ELMOD1: variants seen among roughly 807,000 people sequenced by gnomAD.
The protein encoded by ELMOD1 is ELMO domain-containing protein 1.
A neutral mutation model predicts 46.7 loss-of-function variants in ELMOD1; 21 were observed. The observed-to-expected ratio is 0.45, with a 90% CI of 0.32 to 0.65. The LOEUF is 0.65. Ranked by LOEUF, ELMOD1 falls within the 30% of genes least tolerant of loss-of-function variation. ELMOD1 has a pLI of 0.04. For synonymous variants in ELMOD1, 122 were observed against 138.2 expected (o/e 0.88, Z 0.82); for missense variants, 348 against 407.8 (o/e 0.85, Z 1.26).
At chr11:107,592,716 A>G (rs553079017) in intron 1 of ELMOD1, 28 of 223,454 alleles carry the variant, frequency 1.3e-4, no homozygotes, top group Non-Finnish European at 1.9e-4. Flanking sequence ...TCTTCTCTGT[A>G]AGACATCACT....
At chr11:107,620,444 A>C (rs529171750) in intron 2 of ELMOD1, 1 of 152,250 alleles carries the variant, frequency 6.6e-6, no homozygotes, top group Non-Finnish European at 1.5e-5. Flanking sequence ...ATTACATGAA[A>C]TATAAGGAAT....
intron 7 of ELMOD1, among the ~76,000 whole-genome samples, chr11:107,649,926 A>G (rs1364147732): frequency 6.6e-6 from 1 of 152,164 alleles, no homozygotes; most frequent in Non-Finnish European, 1.5e-5. Context: ...TTTGAAACAT[A>G]TCCTCTCTCA....
chr11:107,665,621 C>G lies in ELMOD1; in HGVS notation c.*424C>G, dbSNP rs1866828782. 6.3e-6 allele frequency: 1 copy of G among 159,768 alleles called. No homozygotes were observed. The highest frequency in any genetic ancestry group is 1.4e-5 in the Non-Finnish European group (1 of 72,566). The allele number at this position is 159,768 out of a possible 1,614,324, so 9.9% of individuals were successfully genotyped here. On this transcript the variant is annotated 3_prime_UTR_variant, in exon 12 of 12. Coordinates refer to ENST00000265840, the MANE Select transcript of ELMOD1 (RefSeq NM_018712.4). ...GACTACTGCTGCTAGCTCTTCAAGC[C>G]AGGTTCATGCTTGGACCTCATTCTG...
At chr11:107,641,284 T>A (rs1249333115) in intron 6 of ELMOD1, among the ~76,000 whole-genome samples, 2 of 150,788 alleles carry the variant, frequency 1.3e-5, no homozygotes, top group Non-Finnish European at 2.9e-5. Context: ...AGAGAAAGAC[T>A]CTGTCTCAAA....
At chr11:107,591,705 GC>G in intron 1 of ELMOD1, 1 of 369,324 alleles carries the variant, frequency 2.7e-6, no homozygotes, top group Non-Finnish European at 5.6e-6. Context: ...GGCGTAGGTC[GC>G]CTAGCGACCT....
chr11:107,632,766 G>A (rs1408652146), intron 5 of ELMOD1, among the ~76,000 whole-genome samples: 1 of 152,172 alleles, frequency 6.6e-6, no homozygotes, highest in Non-Finnish European at 1.5e-5. Flanking sequence ...TATGAGTCCT[G>A]TAATCATGTT....
At chr11:107,652,131 GA>G (rs1213110015) in intron 9 of ELMOD1, among the ~76,000 whole-genome samples, 7 of 152,322 alleles carry the variant, frequency 4.6e-5, no homozygotes, top group African/African-American at 1.4e-4. Flanking sequence ...ATTGGATACA[GA>G]ACAGAATGTT....
chr11:107,630,066 G>A (rs1257495165), intron 2 of ELMOD1, among the ~76,000 whole-genome samples: 1 of 152,138 alleles, frequency 6.6e-6, no homozygotes, highest in Non-Finnish European at 1.5e-5. Flanking sequence ...CACGTCAAAG[G>A]GAGGGCTGAC....
chr11:107,650,971 G>A, intron 9 of ELMOD1, 63 bp downstream of exon 9: 1 of 929,404 alleles, frequency 1.1e-6, no homozygotes, highest in East Asian at 3.7e-5. Flanking sequence ...GTATGGGTAA[G>A]AATTTTTTTA....
intron 11 of ELMOD1, among the ~76,000 whole-genome samples, chr11:107,657,285 T>C (rs1051623003): frequency 7.2e-5 from 11 of 152,222 alleles, no homozygotes; most frequent in South Asian, 4.1e-4. Context: ...ACATCACACC[T>C]GTAATCCCAG....
intron 9 of ELMOD1, chr11:107,653,840 GGA>G (rs1268397664): frequency 9.0e-6 from 2 of 222,750 alleles, no homozygotes; most frequent in Non-Finnish European, 9.0e-6. Flanking sequence ...TAGGGAATCA[GGA>G]GAGAGTGAGG....
At chr11:107,626,027 G>A (rs1044444210) in intron 2 of ELMOD1, among the ~76,000 whole-genome samples, 1 of 152,104 alleles carries the variant, frequency 6.6e-6, no homozygotes, top group Non-Finnish European at 1.5e-5. Flanking sequence ...AAGAGGAGGT[G>A]GTGATCAGTA....
chr11:107,601,736 A>G (rs1004624651), intron 1 of ELMOD1, among the ~76,000 whole-genome samples: 1 of 151,892 alleles, frequency 6.6e-6, no homozygotes, highest in African/African-American at 2.4e-5. Context: ...ATTTTCTATT[A>G]ATTTTTTTAT....
chr11:107,611,671 C>T (rs1865782812), intron 1 of ELMOD1, among the ~76,000 whole-genome samples: 1 of 135,492 alleles, frequency 7.4e-6, no homozygotes, highest in Non-Finnish European at 1.5e-5. Context: ...AGCCACTGCA[C>T]TCCATCTTGG....
At chr11:107,601,029 A>T (rs956404199) in intron 1 of ELMOD1, among the ~76,000 whole-genome samples, 1 of 152,198 alleles carries the variant, frequency 6.6e-6, no homozygotes, top group Non-Finnish European at 1.5e-5. Flanking sequence ...ACACTTACAC[A>T]TCATTTAAAA....
At chr11:107,620,392 A>G (rs1329651319) in intron 2 of ELMOD1, 1 of 152,252 alleles carries the variant, frequency 6.6e-6, no homozygotes, top group Non-Finnish European at 1.5e-5. Flanking sequence ...ATAAATATTC[A>G]GAGCAAAAAG....
chr11:107,594,276 A>G (rs1015106679), intron 1 of ELMOD1, among the ~76,000 whole-genome samples: 2 of 115,830 alleles, frequency 1.7e-5, no homozygotes, highest in African/African-American at 6.6e-5. Context: ...CGAAAATGAG[A>G]AAAAAAAAAA....
intron 6 of ELMOD1, chr11:107,643,448 CT>C (rs1866361453): frequency 7.1e-6 from 2 of 281,336 alleles, no homozygotes; most frequent in Admixed American, 9.3e-5. Context: ...TAGATGATTC[CT>C]TTATACTAAC....
At chr11:107,654,632 G>A (rs1866591624) in intron 10 of ELMOD1, among the ~76,000 whole-genome samples, 1 of 152,120 alleles carries the variant, frequency 6.6e-6, no homozygotes, top group Non-Finnish European at 1.5e-5. Flanking sequence ...AGCCGGGCGT[G>A]TTGGCGGGCG....
Sources: gnomAD v4.1 joint callset for allele counts (sites outside exome capture counted in the v4.1 genomes callset) on GRCh38, gnomAD v4.1.1 for gene constraint, MANE v1.5 for transcripts, NCBI Gene and HGNC (gene_info 2026-07-23, HGNC 2026-07-21) for gene names.